Variants in DNHD1 observed in about 807,000 individuals in gnomAD.
DNHD1 encodes dynein heavy chain domain 1.
DNHD1 carries 383 observed loss-of-function variants against 458.1 expected under a neutral mutation model. The observed-to-expected ratio is 0.84, with a 90% CI of 0.77 to 0.91. The LOEUF is 0.91. Among genes scored for constraint, DNHD1 ranks in the 40% least tolerant of loss-of-function variants. DNHD1 has a pLI of 0.00. For synonymous variants in DNHD1, 2,203 were observed against 2,376.9 expected, an observed-to-expected ratio of 0.93 and a Z score of 2.13; for missense variants, 5,336 against 5,866.1, an observed-to-expected ratio of 0.91 and a Z score of 2.95.
Position 6,558,593 on chromosome 11 carries a change from C to T in DNHD1, c.9111C>T (p.Ala3037=). 6.4e-7 allele frequency: 1 copy of T among 1,551,722 alleles called. No individual in the cohort carries two copies. ...TTTTCCTGAGGCTCCTTCAACTGGC[C>T]ACTGCCAGCATTGACCGCTATGAAC... ...STLFLRLLQL[A]TASIDRYEPW... is the part of the protein sequence containing the mutation. The change falls in exon 26 of 43, where the codon GCC becomes GCT. Residue 3037 remains alanine (A), a synonymous_variant. Transcript: ENST00000254579.
chr11:6,545,510 A>G lies in DNHD1; in HGVS notation c.4571A>G (p.Glu1524Gly). ...AEEVVWRAEM[E>G]EALLEWGTLA... ...GAGGTGGTATGGCGGGCCGAGATGG[A>G]GGAGGCTCTGCTTGAGTGGGGTACC... Residue 1524 changes from glutamate (E) to glycine (G), a missense_variant, in exon 21 of 43, where the codon GAG becomes GGG. By Grantham distance (98) the Glu-to-Gly change is moderately conservative (BLOSUM62 -2). Transcript: ENST00000254579. This position sits in a 1 kb window ranked among gnomAD's most constrained non-coding sequence, Gnocchi z 4.9. 6.4e-7 allele frequency: 1 copy of G among 1,551,542 alleles called. No individual in the cohort carries two copies. Among genetic ancestry groups the G allele is most frequent in the South Asian group, 1.2e-5 (1 of 84,048 alleles).
rs1166620953 is a variant in DNHD1 at position 6,557,310 on chromosome 11, T to C, written c.8015T>C (p.Leu2672Pro). ...PRERSYCAKL[L>P]LVVAQSVFCC... ...GAACGCTCCTACTGTGCCAAGCTGCTCCTAGTAGTAGCTCAAAGTGTCTTC... is the reference window on the plus strand; with the variant it reads ...GAACGCTCCTACTGTGCCAAGCTGCCCCTAGTAGTAGCTCAAAGTGTCTTC... Residue 2672 changes from leucine to proline, a missense_variant, in exon 25 of 43, where the codon CTC becomes CCC. Coordinates refer to ENST00000254579, the MANE Select transcript of DNHD1 (RefSeq NM_144666.3). 6.4e-7 allele frequency: 1 copy of C among 1,551,584 alleles called. No homozygotes were observed.
At chr11:6,540,205 C>A in intron 18 of DNHD1, 122 bp downstream of exon 18, 1 of 807,762 alleles carries the variant, frequency 1.2e-6, no homozygotes, top group African/African-American at 1.7e-5. Flanking sequence ...ACTAGACAGC[C>A]TAAGACATTA....
At position 6,567,515 on chromosome 11, in the gene DNHD1, G is replaced by C. The variant is rs895351938; in HGVS notation, c.12006G>C (p.Leu4002=). 1.9e-5 allele frequency: 30 copies of C among 1,613,482 alleles called. No homozygotes were observed. Among genetic ancestry groups the C allele is most frequent in the Non-Finnish European group, 2.1e-5 (25 of 1,179,726 alleles). ...MLELLPPFVG[L]CASLAGHSSA... is the part of the protein sequence containing the mutation. The stretch of plus-strand genomic sequence containing the variant: ...AGCTGCTGCCCCCATTTGTTGGCCT[G>C]TGTGCCTCCCTGGCAGGCCACTCCA... The change falls in exon 36 of 43, where the codon CTG becomes CTC. Residue 4002 remains leucine (L), a synonymous_variant. Transcript: ENST00000254579.
intron 4 of DNHD1, chr11:6,508,525 A>C (rs1300567051): frequency 5.3e-6 from 1 of 187,982 alleles, no homozygotes; most frequent in Non-Finnish European, 1.1e-5. Context: ...AATTGATGGA[A>C]TATCTTATTA....
At chr11:6,519,383 T>G (rs1280966639) in intron 7 of DNHD1, among the ~76,000 whole-genome samples, 2 of 152,220 alleles carry the variant, frequency 1.3e-5, no homozygotes, top group Admixed American at 1.3e-4. Flanking sequence ...ATTAGCACAC[T>G]GTGACCTCTC....
intron 3 of DNHD1, among the ~76,000 whole-genome samples, chr11:6,501,124 T>C (rs936459659): frequency 3.9e-5 from 6 of 152,138 alleles, no homozygotes; most frequent in African/African-American, 1.4e-4. Flanking sequence ...TCATTGGATG[T>C]AGTAACAAGG....
chr11:6,501,184 G>A (rs1179522831), intron 3 of DNHD1, among the ~76,000 whole-genome samples: 2 of 152,108 alleles, frequency 1.3e-5, no homozygotes, highest in African/African-American at 4.8e-5. Context: ...GCATTGAGGA[G>A]TGAATGGAAG....
rs1853805887 is a variant in DNHD1, at chr11:6,570,091, G to A, written c.12946G>A (p.Glu4316Lys). The change falls in exon 40 of 43, where the codon GAG becomes AAG. Residue 4316 changes from glutamate to lysine, a missense_variant. Glu to Lys is a moderately conservative substitution (Grantham distance 56). Coordinates refer to ENST00000254579, the MANE Select transcript of DNHD1 (RefSeq NM_144666.3). ...SLSNPRAAMQ[E>K]LAASVFYGGP... is the part of the protein sequence containing the mutation. Reference sequence around the variant, plus strand: ...TAGCAATCCCCGTGCTGCCATGCAAGAGCTGGCTGGTGAGACCCTTCCTCT... The same window carrying A: ...TAGCAATCCCCGTGCTGCCATGCAAAAGCTGGCTGGTGAGACCCTTCCTCT... 5 of 1,613,962 alleles carry A rather than the reference G, an allele frequency of 3.1e-6. No homozygotes were observed. The African/African-American group carries it at 5.3e-5, about 17-fold the overall frequency.
At chr11:6,544,320 G>A in intron 19 of DNHD1, 74 bp downstream of exon 19, 1 of 1,520,294 alleles carries the variant, frequency 6.6e-7, no homozygotes, top group Non-Finnish European at 8.9e-7. Context: ...GGGGTGAGAG[G>A]TGGAGGTTGG....
At chr11:6,512,252 G>T (rs61554870) in intron 7 of DNHD1, among the ~76,000 whole-genome samples, 2 of 107,418 alleles carry the variant, frequency 1.9e-5, no homozygotes, top group African/African-American at 4.1e-5. Flanking sequence ...ACGGAGTCTC[G>T]CTCTGTCACC....
At chr11:6,566,061 C>A in intron 33 of DNHD1, 70 bp downstream of exon 33, 2 of 1,513,588 alleles carry the variant, frequency 1.3e-6, no homozygotes, top group South Asian at 1.3e-5. Context: ...ACAGGCCTCC[C>A]ACACCTCAGT....
chr11:6,559,025 C>T lies in DNHD1; in HGVS notation c.9335C>T (p.Pro3112Leu), dbSNP rs982532442. 2.6e-6 allele frequency: 4 copies of T among 1,551,712 alleles called. No individual in the cohort carries two copies. Among genetic ancestry groups the T allele is most frequent in the Non-Finnish European group, 3.5e-6 (4 of 1,147,000 alleles). The part of the protein sequence containing the change: ...HLCPALPLVT[P>L]KTFLDFLDTF... Reference sequence around the variant, plus strand: ...TGCCCTGCATTGCCACTCGTCACCCCCAAGACCTTCCTAGACTTCCTGGAC... The same window carrying T: ...TGCCCTGCATTGCCACTCGTCACCCTCAAGACCTTCCTAGACTTCCTGGAC... The change falls in exon 27 of 43, where the codon CCC (proline) becomes CTC (leucine). Residue 3112 changes from proline to leucine, a missense_variant. Pro to Leu is a moderately conservative substitution (Grantham distance 98, BLOSUM62 -3). Around this residue, in one of 4 missense-constraint regions of DNHD1, gnomAD observed 3,932 missense variants for 4,365.6 expected, o/e 0.90. Transcript: ENST00000254579.
chr11:6,533,827 G>A lies in DNHD1; in HGVS notation c.2652G>A (p.Glu884=). 6.4e-7 allele frequency: 1 copy of A among 1,551,108 alleles called. No individual in the cohort carries two copies. Among genetic ancestry groups the A allele is most frequent in the Non-Finnish European group, 8.7e-7 (1 of 1,146,846 alleles). ...TCTCGGTGAGAAGGCAATTCGGGGA[G>A]TCACCCATCCCTCCCTGCCCTCCTC... is the stretch of plus-strand genomic sequence containing the variant. ...LDISVRRQFG[E]SPIPPCPPPP... Residue 884 remains glutamate, a synonymous_variant, in exon 14 of 43, where the codon GAG becomes GAA. Coordinates refer to ENST00000254579, the MANE Select transcript of DNHD1 (RefSeq NM_144666.3).
chr11:6,572,018 C>A lies in DNHD1; in HGVS notation c.*32C>A, dbSNP rs1360345858. On this transcript the variant is annotated 3_prime_UTR_variant, in exon 43 of 43. Coordinates refer to ENST00000254579, the MANE Select transcript of DNHD1 (RefSeq NM_144666.3). ...CTACCAAAATAAAGTTGTAGTGATT[C>A]CATGAAAGATTTCTGAGATATGGGG... The A allele has an allele frequency of 6.4e-7, 1 of 1,570,592 alleles. No homozygotes were observed. The highest frequency in any genetic ancestry group is 2.3e-5 in the East Asian group (1 of 44,438).
At position 6,567,861 on chromosome 11, in the gene DNHD1, G is replaced by A. The variant is rs1279001895; in HGVS notation, c.12351+1G>A. 6.2e-7 allele frequency: 1 copy of A among 1,608,748 alleles called. No individual in the cohort carries two copies. Among genetic ancestry groups the A allele is most frequent in the Non-Finnish European group, 8.5e-7 (1 of 1,178,308 alleles). On this transcript the variant is annotated splice_donor_variant, in intron 36 of 42. Coordinates refer to ENST00000254579, the MANE Select transcript of DNHD1 (RefSeq NM_144666.3). LOFTEE classifies it high-confidence loss of function. Reference sequence around the variant, plus strand: ...GAAACTGGCTGCCAAGTATCAGCAGGTTTGAACCTAGTTTCTTGGCCACAG... The same window carrying A: ...GAAACTGGCTGCCAAGTATCAGCAGATTTGAACCTAGTTTCTTGGCCACAG...
chr11:6,503,195 C>G lies in DNHD1; in HGVS notation c.920+269C>G, dbSNP rs867501615. The G allele has an allele frequency of 1.1e-5, 4 of 377,632 alleles. No homozygotes were observed. In the South Asian group the frequency reaches 1.8e-4, roughly 17 times the overall value. The allele number at this position is 377,632 out of a possible 1,614,324, so 23.4% of individuals were successfully genotyped here. A position where few individuals can be genotyped will look rare whatever the true frequency, so the allele number is the denominator to read the frequency against. ...TTTGCTCTTTCTTTTTTATTCTATC[C>G]TAGAATGATAGAAACATTTGTTCAC... On this transcript the variant is annotated intron_variant, in intron 4 of 42. Transcript: ENST00000254579.
Position 6,547,843 on chromosome 11 carries a change from G to C in DNHD1, c.6728-20G>C. 1 of 1,551,096 alleles carries C rather than the reference G, an allele frequency of 6.4e-7. No individual in the cohort carries two copies. The highest frequency in any genetic ancestry group is 8.7e-7 in the Non-Finnish European group (1 of 1,146,788). On this transcript the variant is annotated intron_variant, in intron 21 of 42. Coordinates refer to ENST00000254579, the MANE Select transcript of DNHD1 (RefSeq NM_144666.3). The stretch of plus-strand genomic sequence containing the variant: ...CTTTTTCTACTGGGGCTCCTCTCGT[G>C]GCCATGGCAACTTTCACAGAGGACC...
intron 28 of DNHD1, among the ~76,000 whole-genome samples, chr11:6,562,022 A>G (rs1211912087): frequency 6.6e-6 from 1 of 152,224 alleles, no homozygotes; most frequent in Non-Finnish European, 1.5e-5. Flanking sequence ...CAGTGGGGGA[A>G]TAAAAGGAGG....
Sources: allele counts gnomAD v4.1 joint callset (sites outside exome capture counted in the v4.1 genomes callset), GRCh38; gene constraint gnomAD v4.1.1; regional missense constraint gnomAD v4.1.1; non-coding constraint Gnocchi (gnomAD v3.1); transcripts MANE v1.5; gene names NCBI Gene and HGNC (gene_info 2026-07-23, HGNC 2026-07-21).